Variants in OR10J1 observed in about 807,000 individuals in gnomAD.
OR10J1 encodes the protein olfactory receptor family 10 subfamily J member 1.
For synonymous variants in OR10J1, 202 were observed against 143.8 expected (o/e 1.40, Z -2.89); for missense variants, 474 against 376.6 (o/e 1.26, Z -2.14).
the OR10J1 span, among the ~76,000 whole-genome samples, chr1:159,417,402 T>G: frequency 7.9e-5 from 12 of 152,168 alleles, no homozygotes; most frequent in African/African-American, 2.9e-4. Context: ...CCACACGTCA[T>G]GGGAGAAACA....
the OR10J1 span, among the ~76,000 whole-genome samples, chr1:159,415,819 C>T: frequency 3.3e-5 from 5 of 151,692 alleles, no homozygotes; most frequent in Admixed American, 1.3e-4. Flanking sequence ...AATTTATGAA[C>T]GAGACATCTT....
chr1:159,426,727 C>G, the OR10J1 span, among the ~76,000 whole-genome samples: 1 of 151,636 alleles, frequency 6.6e-6, no homozygotes, highest in Non-Finnish European at 1.5e-5. Context: ...CAAAGGATGT[C>G]TCAATATTGA....
the OR10J1 span, among the ~76,000 whole-genome samples, chr1:159,413,820 C>G: frequency 2.7e-5 from 4 of 149,734 alleles, no homozygotes; most frequent in East Asian, 5.9e-4. Flanking sequence ...GCACATGTAC[C>G]CTAAAACTTA....
the OR10J1 span, among the ~76,000 whole-genome samples, chr1:159,415,265 C>T: frequency 6.6e-6 from 1 of 151,890 alleles, no homozygotes; most frequent in Non-Finnish European, 1.5e-5. Context: ...GAGATAGAAG[C>T]CCACTTTTAT....
In OR10J1 at chr1:159,439,980, G is replaced by A; in HGVS notation, c.189G>A (p.Leu63=). The A allele has an allele frequency of 6.2e-7, 1 of 1,614,060 alleles. No individual in the cohort carries two copies. Among genetic ancestry groups the A allele is most frequent in the Non-Finnish European group, 8.5e-7 (1 of 1,180,016 alleles). ...TTCACACACCCATGTACTTCTTCCT[G>A]AGCATGCTGTCCACTTCAGAGACTG... ...LHLHTPMYFF[L]SMLSTSETVY... is the part of the protein sequence containing the mutation. Residue 63 remains leucine (L), a synonymous_variant, in exon 1 of 1, where the codon CTG becomes CTA. Transcript: ENST00000423932.
chr1:159,421,248 T>C, the OR10J1 span, among the ~76,000 whole-genome samples: 1 of 151,766 alleles, frequency 6.6e-6, no homozygotes, highest in Non-Finnish European at 1.5e-5. Context: ...TTCTGTTAGG[T>C]TCTTTTTTAT....
chr1:159,438,562 C>T (rs1196090119), upstream of OR10J1, among the ~76,000 whole-genome samples: 1 of 152,184 alleles, frequency 6.6e-6, no homozygotes, highest in Admixed American at 6.5e-5. Context: ...AAATGATTTT[C>T]TTTATTGGAA....
upstream of OR10J1, among the ~76,000 whole-genome samples, chr1:159,435,706 A>C (rs952262955): frequency 3.9e-5 from 6 of 152,154 alleles, no homozygotes; most frequent in African/African-American, 1.4e-4. Flanking sequence ...GACAATTCCA[A>C]AGCCTTCTTA....
At chr1:159,411,500 A>T in the OR10J1 span, among the ~76,000 whole-genome samples, 4 of 151,998 alleles carry the variant, frequency 2.6e-5, no homozygotes, top group Non-Finnish European at 5.9e-5. Context: ...AGTCTGTTTT[A>T]TCAGAGACTA....
chr1:159,412,222 T>C, the OR10J1 span, among the ~76,000 whole-genome samples: 55,972 of 151,256 alleles, frequency 0.37, 10,919 homozygotes, highest in African/African-American at 0.5. Context: ...TCCATGCTCA[T>C]GGGTAGGAAG....
the OR10J1 span, among the ~76,000 whole-genome samples, chr1:159,401,516 A>C: frequency 6.6e-6 from 1 of 151,918 alleles, no homozygotes; most frequent in Non-Finnish European, 1.5e-5. Context: ...ATGAACAAAT[A>C]CTTAGGTAGA....
In OR10J1 at chr1:159,440,503, G is replaced by A. The variant is rs765515957; in HGVS notation, c.712G>A (p.Ala238Thr). 15 of 1,613,894 alleles carry A rather than the reference G, an allele frequency of 9.3e-6. No homozygotes were observed. In the Admixed American group the frequency reaches 2.5e-4, roughly 27 times the overall value. Residue 238 changes from alanine to threonine, a missense_variant, in exon 1 of 1, where the codon GCC (alanine) becomes ACC (threonine). By Grantham distance (58) the Ala-to-Thr change is moderately conservative. Coordinates refer to ENST00000423932, the MANE Select transcript of OR10J1 (RefSeq NM_012351.3). ...AGTTGAGGGCCGGAAGAAGGCTTTT[G>A]CCACCTGTGCATCCCACCTCACTGT... ...ASVEGRKKAF[A>T]TCASHLTVVI...
the OR10J1 span, among the ~76,000 whole-genome samples, chr1:159,416,789 T>A: frequency 6.6e-6 from 1 of 152,078 alleles, no homozygotes; most frequent in Non-Finnish European, 1.5e-5. Flanking sequence ...GTTTTTTATT[T>A]CTTCCTGATT....
chr1:159,440,944 G>A lies in OR10J1; in HGVS notation c.*223G>A. The A allele has an allele frequency of 6.5e-6, 3 of 464,488 alleles. No individual in the cohort carries two copies. The highest frequency in any genetic ancestry group is 7.4e-6 in the Non-Finnish European group (2 of 268,866). The allele number at this position is 464,488 out of a possible 1,614,324, so 28.8% of individuals were successfully genotyped here. On this transcript the variant is annotated 3_prime_UTR_variant, in exon 1 of 1. Transcript: ENST00000423932. ...AAATAGACAAACAAGGATAAGATAT[G>A]CCTAAATAAAAGGCCAGAAAGTAGT... is the stretch of plus-strand genomic sequence containing the variant.
At chr1:159,422,532 T>C in the OR10J1 span, among the ~76,000 whole-genome samples, 2 of 152,094 alleles carry the variant, frequency 1.3e-5, no homozygotes, top group Non-Finnish European at 2.9e-5. Flanking sequence ...CCCACCTTGA[T>C]CCCAGGAGTA....
chr1:159,432,906 G>A (rs554322755), upstream of OR10J1: 1,070 of 426,016 alleles, frequency 2.5e-3, 11 homozygotes, highest in African/African-American at 0.017. Flanking sequence ...GCTGAGGGCA[G>A]GAGAAAGGCC....
Position 159,439,895 on chromosome 1 carries a change from A to G in OR10J1, c.104A>G (p.Tyr35Cys), listed in dbSNP as rs778383497. Residue 35 changes from tyrosine (Y) to cysteine (C), a missense_variant, in exon 1 of 1, where the codon TAC (tyrosine) becomes TGC (cysteine). Tyr to Cys is a radical substitution (Grantham distance 194, BLOSUM62 -2). Transcript: ENST00000423932. ...CTTTTTGGCGTGTTCCTTGCACTAT[A>G]CATCTTAACCTTAGCAGGCAATATC... ...ITLFGVFLAL[Y>C]ILTLAGNIII... The G allele has an allele frequency of 1.2e-6, 2 of 1,614,122 alleles. No individual in the cohort carries two copies. The highest frequency in any genetic ancestry group is 1.7e-6 in the Non-Finnish European group (2 of 1,180,012).
chr1:159,417,771 A>C, the OR10J1 span, among the ~76,000 whole-genome samples: 2 of 152,334 alleles, frequency 1.3e-5, no homozygotes, highest in South Asian at 2.1e-4. Context: ...AACAGTTTGG[A>C]GGGCTTAGAA....
chr1:159,415,545 C>T, the OR10J1 span, among the ~76,000 whole-genome samples: 1 of 151,980 alleles, frequency 6.6e-6, no homozygotes, highest in Non-Finnish European at 1.5e-5. Context: ...ATTGCTTTGG[C>T]TATTCAAGCT....
Sources: gnomAD v4.1 joint callset for allele counts (sites outside exome capture counted in the v4.1 genomes callset) on GRCh38, gnomAD v4.1.1 for gene constraint, MANE v1.5 for transcripts, NCBI Gene and HGNC (gene_info 2026-07-23, HGNC 2026-07-21) for gene names.